Variants in NTM observed in about 807,000 individuals in gnomAD.
NTM encodes IgLON family member 2.
Under a neutral mutation model 42.1 loss-of-function variants are expected in NTM, and 13 were observed. That is an observed-to-expected ratio of 0.31 (90% CI 0.20 to 0.49). NTM has a LOEUF of 0.49. Ranked by LOEUF, NTM falls within the 20% of genes least tolerant of loss-of-function variation. The pLI, the probability that NTM is intolerant of heterozygous loss-of-function variation, is 0.99. For missense variants in NTM, 373 were observed against 452.8 expected, an observed-to-expected ratio of 0.82 and a Z score of 1.60; for synonymous variants, 187 against 179.2, an observed-to-expected ratio of 1.04 and a Z score of -0.35.
chr11:131,372,657 T>G (rs1279402674), intron 1 of NTM, among the ~76,000 whole-genome samples: 1 of 151,966 alleles, frequency 6.6e-6, no homozygotes, highest in Non-Finnish European at 1.5e-5. Flanking sequence ...TTTCTATCTG[T>G]CCCGAGATCC....
intron 2 of NTM, among the ~76,000 whole-genome samples, chr11:132,079,627 ATAGAGT>A (rs1301258758): frequency 6.0e-4 from 92 of 152,180 alleles, no homozygotes; most frequent in Non-Finnish European, 9.6e-4. Flanking sequence ...TTTTTCTAAA[ATAGAGT>A]TAGGCTAACT....
intron 2 of NTM, among the ~76,000 whole-genome samples, chr11:132,044,410 AGAG>A (rs1158273595): frequency 1.3e-5 from 2 of 152,138 alleles, no homozygotes; most frequent in African/African-American, 4.8e-5. Flanking sequence ...TGTGTGTTTT[AGAG>A]TTGGGAAATC....
chr11:132,317,585 A>G (rs1210243825), intron 7 of NTM: 1 of 892,038 alleles, frequency 1.1e-6, no homozygotes, highest in African/African-American at 1.7e-5. Flanking sequence ...TATGACAAAT[A>G]TATAGCACTG....
At chr11:131,548,897 A>G (rs959305079) in intron 1 of NTM, among the ~76,000 whole-genome samples, 1 of 152,206 alleles carries the variant, frequency 6.6e-6, no homozygotes, top group Non-Finnish European at 1.5e-5. Context: ...TGAGGAAACT[A>G]CAATAATAAA....
At chr11:131,689,930 C>T (rs149063267) in intron 1 of NTM, among the ~76,000 whole-genome samples, 2 of 152,280 alleles carry the variant, frequency 1.3e-5, no homozygotes, top group East Asian at 1.9e-4. Context: ...TTGGCTCCCT[C>T]GTCCACATAT....
chr11:131,520,339 TAAAC>T (rs2049465356), intron 1 of NTM, among the ~76,000 whole-genome samples: 1 of 152,138 alleles, frequency 6.6e-6, no homozygotes, highest in Admixed American at 6.5e-5. Context: ...AATTTTAAGG[TAAAC>T]AAACTAAGCT....
intron 1 of NTM, among the ~76,000 whole-genome samples, chr11:131,586,890 G>A (rs1383405113): frequency 6.6e-6 from 1 of 152,058 alleles, no homozygotes; most frequent in Non-Finnish European, 1.5e-5. Flanking sequence ...CACACTAACC[G>A]TTTCTGAACC....
intron 1 of NTM, among the ~76,000 whole-genome samples, chr11:131,685,195 T>C (rs1272245104): frequency 1.3e-5 from 2 of 152,208 alleles, no homozygotes; most frequent in Non-Finnish European, 2.9e-5. Context: ...AGTTGGGCCC[T>C]TGACAAGAAC....
intron 1 of NTM, among the ~76,000 whole-genome samples, chr11:131,389,024 A>AAAATAGAAAAGAAAAG (rs1555097642): frequency 2.2e-5 from 2 of 89,906 alleles, no homozygotes; most frequent in Non-Finnish European, 4.3e-5. Context: ...AAAAAAAAAA[A>AAAATAGAAAAGAAAAG]AAAAGAAAAG....
intron 1 of NTM, among the ~76,000 whole-genome samples, chr11:131,521,167 A>G (rs1218924807): frequency 6.6e-6 from 1 of 151,432 alleles, no homozygotes; most frequent in Non-Finnish European, 1.5e-5. Context: ...TACTAAAAAT[A>G]AGCCGGGCAT....
rs531159389 is a variant in NTM, at chr11:131,713,398, A to C, written c.83-198166A>C. 1.9e-4 allele frequency among the ~76,000 whole-genome samples: 29 copies of C among 152,148 alleles called. No homozygotes were observed. In the South Asian group the frequency reaches 5.6e-3, roughly 29 times the overall value. On this transcript the variant is annotated intron_variant, in intron 1 of 8. Coordinates refer to ENST00000683400, the MANE Select transcript of NTM (RefSeq NM_001352005.2). ...TACATGGTCCAGCCTAGTCTGTCTC[A>C]ATTTATCCTCAGCTATTAAATGATG...
chr11:131,727,517 AG>A (rs147869340), intron 1 of NTM, among the ~76,000 whole-genome samples: 3,943 of 152,268 alleles, frequency 0.026, 162 homozygotes, highest in African/African-American at 0.084. Flanking sequence ...TAGGTGAGTT[AG>A]AGGGGCCAGC....
intron 1 of NTM, among the ~76,000 whole-genome samples, chr11:131,374,343 T>A (rs530189108): frequency 1.3e-5 from 2 of 152,262 alleles, no homozygotes; most frequent in East Asian, 3.9e-4. Context: ...GCCTGGAGAG[T>A]GTCTGCCCTG....
intron 1 of NTM, among the ~76,000 whole-genome samples, chr11:131,596,537 C>T (rs1193473127): frequency 6.6e-6 from 1 of 152,238 alleles, no homozygotes. Flanking sequence ...CTGCCGACCT[C>T]CTCATGCCAT....
chr11:132,317,577 T>C (rs2095463542), intron 7 of NTM: 1 of 821,684 alleles, frequency 1.2e-6, no homozygotes, highest in Non-Finnish European at 1.8e-6. Flanking sequence ...AAACTATATA[T>C]GACAAATATA....
chr11:131,901,858 A>T (rs1418422314), intron 1 of NTM, among the ~76,000 whole-genome samples: 1 of 152,208 alleles, frequency 6.6e-6, no homozygotes, highest in East Asian at 1.9e-4. Context: ...TTTTCCTAAG[A>T]CACTCACAAG....
chr11:132,222,622 A>C (rs942722543), intron 4 of NTM, among the ~76,000 whole-genome samples: 2 of 152,008 alleles, frequency 1.3e-5, no homozygotes, highest in Admixed American at 1.3e-4. Context: ...TGGCTCTCCA[A>C]ATACCATGGC....
rs181392153 is a variant in NTM at position 131,902,928 on chromosome 11, G to T, written c.83-8636G>T. Reference sequence around the variant, plus strand: ...TATGTATGTATATGTATCCGTGTGTGTACAGAATATGCTATGAACATATGC... The same window carrying T: ...TATGTATGTATATGTATCCGTGTGTTTACAGAATATGCTATGAACATATGC... On this transcript the variant is annotated intron_variant, in intron 1 of 8. Coordinates refer to ENST00000683400, the MANE Select transcript of NTM (RefSeq NM_001352005.2). Among the ~76,000 whole-genome samples the T allele has an allele frequency of 6.6e-4, 101 of 152,286 alleles. No homozygotes were observed. In the East Asian group the frequency reaches 0.018, roughly 27 times the overall value.
chr11:132,189,004 C>A (rs913714407), intron 3 of NTM, among the ~76,000 whole-genome samples: 2 of 152,200 alleles, frequency 1.3e-5, no homozygotes, highest in African/African-American at 4.8e-5. Context: ...AGAAAGGAGG[C>A]CTACATGATG....
Sources: gnomAD v4.1 joint callset for allele counts (sites outside exome capture counted in the v4.1 genomes callset) on GRCh38, gnomAD v4.1.1 for gene constraint, MANE v1.5 for transcripts, NCBI Gene and HGNC (gene_info 2026-07-23, HGNC 2026-07-21) for gene names.